CSNK2A1: variants seen among roughly 807,000 people sequenced by gnomAD.
CSNK2A1 encodes casein kinase 2 alpha 1, also known as casein kinase II subunit alpha.
CSNK2A1 carries 10 observed loss-of-function variants against 62.9 expected under a neutral mutation model. The observed-to-expected ratio is 0.16, with a 90% CI of 0.10 to 0.27. CSNK2A1 has a LOEUF of 0.27. CSNK2A1 is among the 10% of genes least tolerant of loss of function. CSNK2A1 has a pLI of 1.00. For missense variants in CSNK2A1, 160 were observed against 492.0 expected (o/e 0.33, Z 6.38); for synonymous variants, 124 against 167.8 (o/e 0.74, Z 2.02).
chr20:499,954 TC>T lies in CSNK2A1; in HGVS notation c.214-21del. 8.1e-7 allele frequency: 1 copy of T among 1,239,254 alleles called. No individual in the cohort carries two copies. Among genetic ancestry groups the T allele is most frequent in the Non-Finnish European group, 1.1e-6 (1 of 887,118 alleles). 76.8% of individuals were successfully genotyped at this position (1,239,254 alleles called of 1,614,324 possible). On this transcript the variant is annotated intron_variant, in intron 4 of 13. Transcript: ENST00000217244. This position sits in a 1 kb window ranked among gnomAD's most constrained non-coding sequence, Gnocchi z 4.2. ...TACTGGCTGAAAGGGGAAAAGTACA[TC>T]AGCAAAAAAAAAAAAAAAAAATTTT...
chr20:540,733 C>A (rs1023020491), intron 1 of CSNK2A1: 1 of 152,168 alleles, frequency 6.6e-6, no homozygotes. Context: ...TAGTACCCCA[C>A]TCCTGGTACC....
intron 11 of CSNK2A1, chr20:487,941 C>G: frequency 3.4e-6 from 1 of 291,450 alleles, no homozygotes; most frequent in Non-Finnish European, 6.5e-6. Context: ...CCAGCAAAAG[C>G]CTTTGCATCA....
At chr20:542,581 C>T (rs1461414666) in intron 1 of CSNK2A1, among the ~76,000 whole-genome samples, 2 of 152,022 alleles carry the variant, frequency 1.3e-5, no homozygotes, top group Non-Finnish European at 2.9e-5. Context: ...TACAGGCGCG[C>T]GCCACCAAGC....
intron 10 of CSNK2A1, chr20:489,234 T>C (rs537796083): frequency 1.2e-5 from 2 of 170,542 alleles, no homozygotes; most frequent in Admixed American, 1.2e-4. Flanking sequence ...CTGCATGCAC[T>C]TGATACAGAG....
intron 1 of CSNK2A1, among the ~76,000 whole-genome samples, chr20:537,545 T>C (rs1351365860): frequency 6.6e-6 from 1 of 152,140 alleles, no homozygotes; most frequent in African/African-American, 2.4e-5. Flanking sequence ...AAACTACCAA[T>C]TGTCTATAAC....
At chr20:529,023 A>G (rs896581406) in intron 1 of CSNK2A1, among the ~76,000 whole-genome samples, 7 of 152,276 alleles carry the variant, frequency 4.6e-5, no homozygotes, top group African/African-American at 1.4e-4. Flanking sequence ...CCAGAAATAA[A>G]TAAGTCATAA....
Position 474,842 on chromosome 20 carries a change from TATG to T in CSNK2A1, c.*9116_*9118del, listed in dbSNP as rs980451389. 3 of 152,224 alleles carry T rather than the reference TATG, an allele frequency of 2.0e-5. No homozygotes were observed. Among genetic ancestry groups the T allele is most frequent in the Non-Finnish European group, 4.4e-5 (3 of 68,044 alleles). 9.4% of individuals were successfully genotyped at this position (152,224 alleles called of 1,614,324 possible). ...ATTCTAATCACAGCTGAACCAGCAG[TATG>T]ATATTTAGTTTTCCCTCCTTTCATA... On this transcript the variant is annotated 3_prime_UTR_variant, in exon 14 of 14. Coordinates refer to ENST00000217244, the MANE Select transcript of CSNK2A1 (RefSeq NM_177559.3).
intron 1 of CSNK2A1, among the ~76,000 whole-genome samples, chr20:534,585 T>C (rs939076270): frequency 5.9e-5 from 9 of 152,144 alleles, no homozygotes; most frequent in Non-Finnish European, 1.2e-4. Flanking sequence ...GCCTAAAGTT[T>C]TGAATATGTA....
At chr20:519,273 G>C (rs973637320) in intron 2 of CSNK2A1, among the ~76,000 whole-genome samples, 1 of 152,200 alleles carries the variant, frequency 6.6e-6, no homozygotes, top group East Asian at 1.9e-4. Flanking sequence ...TAGCAGAAAA[G>C]AGAATGGGAT....
rs2019183233 is a variant in CSNK2A1, at chr20:530,114, C to T, written c.-226-2065G>A. On this transcript the variant is annotated intron_variant, in intron 1 of 13. Transcript: ENST00000217244. Reference sequence around the variant, plus strand: ...ACTATCTGATTCCAGAACACTTCATCGCCCCAAAAAGAAACCCAGTACCTC... The same window carrying T: ...ACTATCTGATTCCAGAACACTTCATTGCCCCAAAAAGAAACCCAGTACCTC... 3.9e-5 allele frequency among the ~76,000 whole-genome samples: 6 copies of T among 152,198 alleles called. No individual in the cohort carries two copies. The South Asian group carries it at 6.2e-4, about 16-fold the overall frequency.
At chr20:526,455 T>C (rs979752828) in intron 2 of CSNK2A1, among the ~76,000 whole-genome samples, 1 of 151,536 alleles carries the variant, frequency 6.6e-6, no homozygotes, top group Non-Finnish European at 1.5e-5. Context: ...AAAAAAATTG[T>C]TTTTAATAAT....
chr20:512,211 T>C (rs555591754), intron 2 of CSNK2A1, among the ~76,000 whole-genome samples: 5 of 151,850 alleles, frequency 3.3e-5, no homozygotes, highest in Non-Finnish European at 2.9e-5. Flanking sequence ...TCTTCTTCTT[T>C]TTTTTTTTTC....
chr20:508,241 G>A, intron 3 of CSNK2A1: 1 of 510,522 alleles, frequency 2.0e-6, no homozygotes, highest in Admixed American at 3.7e-5. Context: ...ATTTTTAAAT[G>A]GTAAGCCCAT....
intron 1 of CSNK2A1, among the ~76,000 whole-genome samples, chr20:532,813 A>AAC (rs2019240495): frequency 6.6e-6 from 1 of 152,186 alleles, no homozygotes; most frequent in Non-Finnish European, 1.5e-5. Context: ...CAGATGTACT[A>AAC]ACAGGCAACC....
At chr20:485,980 T>C (rs574830863) in intron 13 of CSNK2A1, among the ~76,000 whole-genome samples, 5 of 152,252 alleles carry the variant, frequency 3.3e-5, no homozygotes, top group Non-Finnish European at 5.9e-5. Context: ...CTCTGGCACA[T>C]GTCACGGAAC....
Position 475,062 on chromosome 20 carries a change from G to A in CSNK2A1, c.*8899C>T, listed in dbSNP as rs774574042. 11 of 152,096 alleles carry A rather than the reference G, an allele frequency of 7.2e-5. No individual in the cohort carries two copies. The highest frequency in any genetic ancestry group is 1.2e-4 in the African/African-American group (5 of 41,404). The allele number at this position is 152,096 out of a possible 1,614,324, so 9.4% of individuals were successfully genotyped here. Reference sequence around the variant, plus strand: ...GTACCACCCCAATAAACACAACACCGAGGACCCCCAGAAGCACCCTGTGTA... The same window carrying A: ...GTACCACCCCAATAAACACAACACCAAGGACCCCCAGAAGCACCCTGTGTA... On this transcript the variant is annotated 3_prime_UTR_variant, in exon 14 of 14. Transcript: ENST00000217244.
At chr20:510,600 A>G (rs569249943) in intron 2 of CSNK2A1, among the ~76,000 whole-genome samples, 2 of 152,372 alleles carry the variant, frequency 1.3e-5, no homozygotes, top group Admixed American at 1.3e-4. Flanking sequence ...GTGTATATAT[A>G]TAGCACACAT....
chr20:502,963 G>A (rs1442006713), intron 4 of CSNK2A1: 1 of 152,148 alleles, frequency 6.6e-6, no homozygotes, highest in Non-Finnish European at 1.5e-5. Context: ...ACAGCTCCTG[G>A]GAGCTTTTCC....
intron 4 of CSNK2A1, chr20:503,438 ACT>A (rs762982868): frequency 2.5e-5 from 10 of 398,250 alleles, no homozygotes; most frequent in Non-Finnish European, 4.4e-5. Context: ...AAATACTTAA[ACT>A]CTCTGGTTCT....
Sources: gnomAD v4.1 joint callset for allele counts (sites outside exome capture counted in the v4.1 genomes callset) on GRCh38, gnomAD v4.1.1 for gene constraint, Gnocchi (gnomAD v3.1) non-coding constraint, MANE v1.5 for transcripts, NCBI Gene and HGNC (gene_info 2026-07-23, HGNC 2026-07-21) for gene names.